The following TCF7L2 variants were observed in gnomAD, a reference collection of about 807,000 sequenced individuals.
TCF7L2 encodes transcription factor 7-like 2.
TCF7L2 carries 23 observed loss-of-function variants against 77.9 expected under a neutral mutation model. That is an observed-to-expected ratio of 0.30 (90% CI 0.21 to 0.42). The LOEUF (loss-of-function observed/expected upper bound fraction) is 0.42, where lower values mean the gene tolerates loss of function less well. Among genes scored for constraint, TCF7L2 ranks in the 10% least tolerant of loss-of-function variants. The pLI is 1.00. For synonymous variants in TCF7L2, 413 were observed against 340.2 expected, an observed-to-expected ratio of 1.21 and a Z score of -2.36; for missense variants, 654 against 793.1, an observed-to-expected ratio of 0.82 and a Z score of 2.11.
intron 3 of TCF7L2, among the ~76,000 whole-genome samples, chr10:112,959,426 A>T (rs1015489541): frequency 2.6e-5 from 4 of 152,190 alleles, no homozygotes; most frequent in African/African-American, 9.7e-5. Flanking sequence ...GGAAAAGAAA[A>T]ATTAATGAGG....
intron 7 of TCF7L2, among the ~76,000 whole-genome samples, chr10:113,145,295 G>C (rs534763497): frequency 2.0e-5 from 3 of 152,232 alleles, no homozygotes; most frequent in African/African-American, 4.8e-5. Flanking sequence ...AGTTCTCAGT[G>C]ATCATTTGCC....
At chr10:113,126,315 G>A (rs2065595791) in intron 5 of TCF7L2, among the ~76,000 whole-genome samples, 1 of 152,062 alleles carries the variant, frequency 6.6e-6, no homozygotes, top group African/African-American at 2.4e-5. Context: ...GAGTGAAGTG[G>A]TCCCTCCAAG....
intron 5 of TCF7L2, among the ~76,000 whole-genome samples, chr10:113,055,827 C>A (rs770736185): frequency 6.6e-6 from 1 of 152,184 alleles, no homozygotes; most frequent in African/African-American, 2.4e-5. Flanking sequence ...TTATTTTGTA[C>A]CCACTCTAAG....
At chr10:113,096,778 A>G (rs1037271799) in intron 5 of TCF7L2, among the ~76,000 whole-genome samples, 3 of 152,136 alleles carry the variant, frequency 2.0e-5, no homozygotes, top group African/African-American at 7.2e-5. Flanking sequence ...GAAGATCTAA[A>G]TTAGAGGCCT....
rs2036531275 is a variant in TCF7L2 at position 112,965,519 on chromosome 10, G to A, written c.450+895G>A. Among the ~76,000 whole-genome samples the A allele has an allele frequency of 2.0e-5, 3 of 152,158 alleles. No homozygotes were observed. In the South Asian group the frequency reaches 6.2e-4, roughly 32 times the overall value. ...GCTGTAGTGTTGAGGTCTAGCTGGA[G>A]AGCCTTCTTTTTTTGTGAGTTGATG... On this transcript the variant is annotated intron_variant, in intron 4 of 13. Transcript: ENST00000627217.
intron 4 of TCF7L2, among the ~76,000 whole-genome samples, chr10:112,970,166 T>TTGTGTG (rs61281206): frequency 4.0e-5 from 6 of 150,286 alleles, no homozygotes; most frequent in South Asian, 2.1e-4. Context: ...TTGAAGTGGT[T>TTGTGTG]TGTGTGTGTG....
chr10:113,080,641 C>A (rs1342011799), intron 5 of TCF7L2, among the ~76,000 whole-genome samples: 2 of 152,126 alleles, frequency 1.3e-5, no homozygotes, highest in Non-Finnish European at 2.9e-5. Context: ...CTGAAAAGAA[C>A]TTGTTTTCAT....
At position 113,129,826 on chromosome 10, in the gene TCF7L2, GT is replaced by G. The variant is rs896259582; in HGVS notation, c.553-11351del. 5.4e-6 allele frequency: 7 copies of G among 1,289,262 alleles called. No individual in the cohort carries two copies. The African/African-American group carries it at 1.1e-4, about 20-fold the overall frequency. The allele number at this position is 1,289,262 out of a possible 1,614,324, so 79.9% of individuals were successfully genotyped here. On this transcript the variant is annotated intron_variant, in intron 5 of 13. Coordinates refer to ENST00000627217, the MANE Select transcript of TCF7L2 (RefSeq NM_001146274.2). ...GTCCCATCTCGAAGGTACAGAGAAA[GT>G]TTTTTTAGAGGTGGAGAGAGGGAAA...
At chr10:113,107,056 G>A (rs2136008286) in intron 5 of TCF7L2, among the ~76,000 whole-genome samples, 1 of 152,290 alleles carries the variant, frequency 6.6e-6, no homozygotes. Flanking sequence ...CCCATGTCCT[G>A]TAACCAGGAA....
chr10:113,117,749 A>C (rs1591922025), intron 5 of TCF7L2, among the ~76,000 whole-genome samples: 1 of 121,654 alleles, frequency 8.2e-6, no homozygotes, highest in South Asian at 2.5e-4. Context: ...ACATTGAAGA[A>C]AAGACAAGGA....
chr10:113,030,048 A>G (rs975717593), intron 4 of TCF7L2, among the ~76,000 whole-genome samples: 9 of 152,120 alleles, frequency 5.9e-5, no homozygotes, highest in African/African-American at 2.2e-4. Context: ...CCCCAAAAGA[A>G]ACACTGTAAC....
intron 5 of TCF7L2, among the ~76,000 whole-genome samples, chr10:113,120,031 T>C (rs2064515814): frequency 6.6e-6 from 1 of 152,228 alleles, no homozygotes; most frequent in South Asian, 2.1e-4. Context: ...CAATGAATAT[T>C]TTCTCATTGG....
At chr10:113,062,068 A>C (rs555334128) in intron 5 of TCF7L2, among the ~76,000 whole-genome samples, 52 of 152,116 alleles carry the variant, frequency 3.4e-4, no homozygotes, top group Non-Finnish European at 4.0e-4. Flanking sequence ...AGAGAGCAAA[A>C]GTGTGAGTTG....
In TCF7L2 at chr10:112,964,365, CA is replaced by C. The variant is rs575903839; in HGVS notation, c.382-184del. On this transcript the variant is annotated intron_variant, in intron 3 of 13. Coordinates refer to ENST00000627217, the MANE Select transcript of TCF7L2 (RefSeq NM_001146274.2). ...TAAAAAACAAAAACAAAAACAAAAA[CA>C]AAAAAACTTTACCTTAGATTGTTAT... Among the ~76,000 whole-genome samples the C allele has an allele frequency of 1.8e-4, 28 of 151,878 alleles. No homozygotes were observed. The East Asian group carries it at 5.0e-3, about 27-fold the overall frequency.
At chr10:113,033,919 A>G (rs1215821012) in intron 4 of TCF7L2, among the ~76,000 whole-genome samples, 2 of 152,244 alleles carry the variant, frequency 1.3e-5, no homozygotes, top group Admixed American at 6.5e-5. Flanking sequence ...TATTTGATCA[A>G]TGCTAACTTT....
chr10:113,103,963 C>T (rs2135953428), intron 5 of TCF7L2, among the ~76,000 whole-genome samples: 1 of 152,302 alleles, frequency 6.6e-6, no homozygotes, highest in East Asian at 1.9e-4. Context: ...TGTGCTCTGA[C>T]TATCAAAGCT....
chr10:112,989,335 C>T (rs1435649833), intron 4 of TCF7L2, among the ~76,000 whole-genome samples: 1 of 151,244 alleles, frequency 6.6e-6, no homozygotes, highest in East Asian at 1.9e-4. Context: ...CCCCCCTTTC[C>T]TGTCTCTGCC....
chr10:113,124,285 A>G (rs2065243750), intron 5 of TCF7L2, among the ~76,000 whole-genome samples: 1 of 152,202 alleles, frequency 6.6e-6, no homozygotes, highest in African/African-American at 2.4e-5. Context: ...TTTTCGAACA[A>G]AACTCTAATT....
chr10:112,952,985 C>T (rs1036012148), intron 3 of TCF7L2, among the ~76,000 whole-genome samples: 1 of 152,076 alleles, frequency 6.6e-6, no homozygotes, highest in Non-Finnish European at 1.5e-5. Flanking sequence ...GGTCCCCTAC[C>T]CCTTATTTAC....
Sources: gnomAD v4.1 joint callset for allele counts (sites outside exome capture counted in the v4.1 genomes callset) on GRCh38, gnomAD v4.1.1 for gene constraint, MANE v1.5 for transcripts, NCBI Gene and HGNC (gene_info 2026-07-23, HGNC 2026-07-21) for gene names.